NDE1: variants seen among roughly 807,000 people sequenced by gnomAD.
The protein encoded by NDE1 is nudE neurodevelopment protein 1.
NDE1 carries 28 observed loss-of-function variants against 43.4 expected under a neutral mutation model. That is an observed-to-expected ratio of 0.65 (90% CI 0.48 to 0.89). NDE1 has a LOEUF of 0.89. Ranked by LOEUF, NDE1 falls within the 40% of genes least tolerant of loss-of-function variation. The probability of loss-of-function intolerance (pLI) is 0.00; values close to 1 mark genes in which losing one functional copy is unlikely to be tolerated. For synonymous variants in NDE1, 184 were observed against 172.0 expected, an observed-to-expected ratio of 1.07 and a Z score of -0.55; for missense variants, 441 against 434.1, an observed-to-expected ratio of 1.02 and a Z score of -0.14.
chr16:15,678,096 G>C, intron 4 of NDE1, 147 bp downstream of exon 4: 2 of 1,028,034 alleles, frequency 1.9e-6, no homozygotes, highest in Non-Finnish European at 3.0e-6. Flanking sequence ...TAGTGCCCGG[G>C]GGGAAATGGA....
intron 8 of NDE1, among the ~76,000 whole-genome samples, chr16:15,712,297 T>C (rs758592876): frequency 6.6e-6 from 1 of 152,078 alleles, no homozygotes; most frequent in African/African-American, 2.4e-5. Context: ...TCATTAGATA[T>C]ACATGGAATT....
chr16:15,724,437 G>A lies in NDE1; in HGVS notation c.*186G>A, dbSNP rs542901166. 7.4e-6 allele frequency: 12 copies of A among 1,613,012 alleles called. No homozygotes were observed. In the African/African-American group the frequency reaches 1.2e-4, roughly 16 times the overall value. On this transcript the variant is annotated 3_prime_UTR_variant, in exon 9 of 9. Coordinates refer to ENST00000396354, the MANE Select transcript of NDE1 (RefSeq NM_017668.3). ...ACAAGGACAGCGTCCAGGGTAGGGTGAGAGGGGGACCATGAGTGGCCCCTG... is the reference window on the plus strand; with the variant it reads ...ACAAGGACAGCGTCCAGGGTAGGGTAAGAGGGGGACCATGAGTGGCCCCTG...
At chr16:15,666,269 A>G (rs1200713148) in intron 2 of NDE1, among the ~76,000 whole-genome samples, 2 of 152,148 alleles carry the variant, frequency 1.3e-5, no homozygotes, top group East Asian at 3.9e-4. Context: ...ATGGGTCTTT[A>G]TAATTTGTAC....
At chr16:15,660,510 A>G (rs1207277506) in intron 1 of NDE1, among the ~76,000 whole-genome samples, 1 of 152,098 alleles carries the variant, frequency 6.6e-6, no homozygotes, top group Non-Finnish European at 1.5e-5. Flanking sequence ...CTGCTGTGAA[A>G]CAGCTCAAAG....
At chr16:15,693,315 G>A (rs2151128283) in intron 6 of NDE1, among the ~76,000 whole-genome samples, 1 of 152,246 alleles carries the variant, frequency 6.6e-6, no homozygotes, top group African/African-American at 2.4e-5. Flanking sequence ...GAGAGATTCT[G>A]CATTTCTAAC....
rs1273386667 is a variant in NDE1 at position 15,725,570 on chromosome 16, T to TA, written c.*1320dup. On this transcript the variant is annotated 3_prime_UTR_variant, in exon 9 of 9. Coordinates refer to ENST00000396354, the MANE Select transcript of NDE1 (RefSeq NM_017668.3). ...TCTGCATAAGTCCCTTTGAGGCTGTTAGCCTACCCCTCCATCTCTTCCATT... is the reference window on the plus strand; with the variant it reads ...TCTGCATAAGTCCCTTTGAGGCTGTTAAGCCTACCCCTCCATCTCTTCCATT... 4 of 407,346 alleles carry TA rather than the reference T, an allele frequency of 9.8e-6. No individual in the cohort carries two copies. Among genetic ancestry groups the TA allele is most frequent in the Non-Finnish European group, 1.7e-5 (4 of 230,586 alleles). 25.2% of individuals were successfully genotyped at this position (407,346 alleles called of 1,614,324 possible).
At chr16:15,688,347 G>T (rs984316676) in intron 5 of NDE1, among the ~76,000 whole-genome samples, 1 of 151,214 alleles carries the variant, frequency 6.6e-6, no homozygotes, top group Non-Finnish European at 1.5e-5. Flanking sequence ...CTGTAATGAG[G>T]CATTTGGCCA....
chr16:15,694,487 A>AG, intron 7 of NDE1: 11 of 1,248,266 alleles, frequency 8.8e-6, no homozygotes, highest in Non-Finnish European at 1.2e-5. Flanking sequence ...CTTGGACCAC[A>AG]GGTGTGCGCC....
At chr16:15,680,762 A>G (rs892429706) in intron 4 of NDE1, among the ~76,000 whole-genome samples, 5 of 151,600 alleles carry the variant, frequency 3.3e-5, no homozygotes, top group Non-Finnish European at 5.9e-5. Context: ...CTGGTCTTGA[A>G]CTCCTGACCT....
At chr16:15,724,111 C>G (rs1395977197) in intron 8 of NDE1, 80 bp from the exon 9 acceptor site, 2 of 1,609,862 alleles carry the variant, frequency 1.2e-6, no homozygotes, top group East Asian at 2.2e-5. Context: ...AGAGCTGATT[C>G]CCCAACCCAG....
At chr16:15,665,304 T>C (rs532502104) in intron 2 of NDE1, among the ~76,000 whole-genome samples, 1 of 152,276 alleles carries the variant, frequency 6.6e-6, no homozygotes, top group East Asian at 1.9e-4. Context: ...ATTATATAGA[T>C]GAAGAAACTG....
intron 8 of NDE1, chr16:15,704,252 C>G: frequency 1.0e-6 from 1 of 971,954 alleles, no homozygotes. Flanking sequence ...TGGCAGAAAA[C>G]ACACACGGCA....
upstream of NDE1, among the ~76,000 whole-genome samples, chr16:15,646,766 G>A (rs935824093): frequency 1.1e-4 from 16 of 150,770 alleles, no homozygotes; most frequent in Non-Finnish European, 1.8e-4. Context: ...ATTCCTAAGG[G>A]GAGGCTTGGT....
At chr16:15,660,136 C>G (rs144691816) in intron 1 of NDE1, among the ~76,000 whole-genome samples, 1,576 of 152,160 alleles carry the variant, frequency 0.01, 33 homozygotes, top group African/African-American at 0.035. Context: ...CATCAAACAG[C>G]CTCTATCAAC....
intron 8 of NDE1, among the ~76,000 whole-genome samples, chr16:15,706,459 A>G (rs1263644845): frequency 3.3e-5 from 5 of 152,136 alleles, no homozygotes; most frequent in African/African-American, 1.2e-4. Flanking sequence ...TAATCCCAGC[A>G]CTTGGGGAGG....
At position 15,667,297 on chromosome 16, in the gene NDE1, C is replaced by T. The variant is rs147283674; in HGVS notation, c.95C>T (p.Thr32Met). 4.2e-5 allele frequency: 68 copies of T among 1,614,060 alleles called. No individual in the cohort carries two copies. Among genetic ancestry groups the T allele is most frequent in the East Asian group, 3.1e-4 (14 of 44,874 alleles). The change falls in exon 3 of 9, where the codon ACG (threonine) becomes ATG (methionine). Residue 32 changes from threonine (T) to methionine (M), a missense_variant. By Grantham distance (81) the Thr-to-Met change is moderately conservative. Transcript: ENST00000396354. The part of the protein sequence containing the change: ...AMTYKQRAEN[T>M]QEELREFQEG... Reference sequence around the variant, plus strand: ...CAATTTTGCTGTAGGGCAGAAAATACGCAAGAGGAACTCCGAGAATTCCAG... The same window carrying T: ...CAATTTTGCTGTAGGGCAGAAAATATGCAAGAGGAACTCCGAGAATTCCAG...
chr16:15,696,564 G>T, intron 7 of NDE1, 145 bp from the exon 8 acceptor site: 2 of 1,453,806 alleles, frequency 1.4e-6, no homozygotes, highest in Non-Finnish European at 1.9e-6. Context: ...CATATACGTT[G>T]GATTCCTCTT....
chr16:15,694,063 C>A, intron 6 of NDE1, 102 bp from the exon 7 acceptor site: 1 of 1,334,586 alleles, frequency 7.5e-7, no homozygotes, highest in Non-Finnish European at 1.1e-6. Context: ...CGAGGAAAGG[C>A]GTCAGTGTCC....
At chr16:15,696,884 T>G in intron 8 of NDE1, 24 bp downstream of exon 8, 1 of 1,611,334 alleles carries the variant, frequency 6.2e-7, no homozygotes, top group Non-Finnish European at 8.5e-7. Context: ...AATAAACCTC[T>G]CGCTGGCGGG....
Sources: allele counts gnomAD v4.1 joint callset (sites outside exome capture counted in the v4.1 genomes callset), GRCh38; gene constraint gnomAD v4.1.1; transcripts MANE v1.5; gene names NCBI Gene and HGNC (gene_info 2026-07-23, HGNC 2026-07-21).